Variants in SRP19 observed in about 807,000 individuals in gnomAD.
The protein encoded by SRP19 is signal recognition particle 19.
A neutral mutation model predicts 22.4 loss-of-function variants in SRP19; 11 were observed. The ratio of observed to expected loss-of-function variants is 0.49; its 90% CI spans 0.31 to 0.81. The LOEUF (loss-of-function observed/expected upper bound fraction) is 0.81, where lower values mean the gene tolerates loss of function less well. Ranked by LOEUF, SRP19 falls within the 40% of genes least tolerant of loss-of-function variation. The probability of loss-of-function intolerance (pLI) is 0.05; values close to 1 mark genes in which losing one functional copy is unlikely to be tolerated. For synonymous variants in SRP19, 61 were observed against 57.6 expected (o/e 1.06, Z -0.27); for missense variants, 168 against 175.9 (o/e 0.96, Z 0.25).
chr5:112,890,614 G>A (rs1411610880), intron 4 of SRP19, among the ~76,000 whole-genome samples: 3 of 150,362 alleles, frequency 2.0e-5, no homozygotes, highest in East Asian at 2.0e-4. Context: ...CTGACCTCAA[G>A]TGATCCACCC....
At chr5:112,897,508 G>A (rs1019311825), downstream of SRP19, 1 of 152,094 alleles carries the variant, frequency 6.6e-6, no homozygotes, top group Non-Finnish European at 1.5e-5. Flanking sequence ...ATAAAGGAAT[G>A]AGCATATGTA....
intron 4 of SRP19, among the ~76,000 whole-genome samples, chr5:112,888,181 C>T (rs1361622994): frequency 1.3e-5 from 2 of 150,212 alleles, no homozygotes; most frequent in African/African-American, 4.9e-5. Context: ...AAGTCTTAGT[C>T]CTTATGATTC....
intron 4 of SRP19, among the ~76,000 whole-genome samples, chr5:112,874,813 C>T (rs1048773238): frequency 6.8e-6 from 1 of 148,022 alleles, no homozygotes; most frequent in Non-Finnish European, 1.5e-5. Flanking sequence ...TTTCGCTCGT[C>T]TCCCAGGCTA....
In SRP19 at chr5:112,861,298, G is replaced by A; in HGVS notation, c.-79G>A. ...TCCGGCGGAAAAGCGGGCTGTCTCG[G>A]AAACTCAGAGCCGGGTTCCTCCCGG... On this transcript the variant is annotated 5_prime_UTR_variant, in exon 1 of 5. Transcript: ENST00000505459. 2 of 1,561,904 alleles carry A rather than the reference G, an allele frequency of 1.3e-6. No individual in the cohort carries two copies. The highest frequency in any genetic ancestry group is 3.3e-5 in the Admixed American group (2 of 59,958).
chr5:112,874,493 T>C (rs890588239), downstream of SRP19, among the ~76,000 whole-genome samples: 2 of 152,198 alleles, frequency 1.3e-5, no homozygotes, highest in African/African-American at 4.8e-5. Flanking sequence ...AGCACTTTGT[T>C]AGTGGAGGCA....
chr5:112,892,192 G>A, exon 5 of SRP19: 1 of 1,614,198 alleles, frequency 6.2e-7, no homozygotes, highest in South Asian at 1.1e-5. Flanking sequence ...TAAAACAGGA[G>A]CTTGCAGATT....
At chr5:112,883,951 C>T (rs1768152600) in intron 4 of SRP19, among the ~76,000 whole-genome samples, 1 of 152,168 alleles carries the variant, frequency 6.6e-6, no homozygotes, top group Non-Finnish European at 1.5e-5. Context: ...ATTACTTCTA[C>T]CTTTGAAATA....
At chr5:112,889,584 T>G (rs1389801819) in intron 4 of SRP19, among the ~76,000 whole-genome samples, 1 of 150,672 alleles carries the variant, frequency 6.6e-6, no homozygotes, top group African/African-American at 2.5e-5. Context: ...TATATTTATA[T>G]ATAGCTATAG....
chr5:112,894,818 T>G (rs1768628567), downstream of SRP19: 1 of 152,208 alleles, frequency 6.6e-6, no homozygotes, highest in African/African-American at 2.4e-5. Flanking sequence ...AAAATAAGCT[T>G]CTGCATAGAA....
At chr5:112,887,331 T>G (rs1003808318) in intron 4 of SRP19, 1 of 720,940 alleles carries the variant, frequency 1.4e-6, no homozygotes, top group African/African-American at 1.8e-5. Context: ...AGGTTAAAGG[T>G]GGGCTTTCTT....
At chr5:112,893,391 C>A (rs1768566448), downstream of SRP19, 1 of 187,154 alleles carries the variant, frequency 5.3e-6, no homozygotes, top group South Asian at 1.0e-4. Context: ...GCCTGGGTGA[C>A]AGAGCGAGAC....
intron 4 of SRP19, chr5:112,885,775 C>T (rs1768224547): frequency 3.9e-6 from 1 of 253,482 alleles, no homozygotes. Flanking sequence ...ATATGCCAAG[C>T]CCGTAGTCTG....
rs749844475 is a variant in SRP19 at position 112,861,366 on chromosome 5, C to G, written c.-11C>G. 2 of 1,614,188 alleles carry G rather than the reference C, an allele frequency of 1.2e-6. No individual in the cohort carries two copies. Among genetic ancestry groups the G allele is most frequent in the Non-Finnish European group, 8.5e-7 (1 of 1,180,038 alleles). ...CCCTGCGGCTCCTGGGTTGTTGAGA[C>G]TCTTGTGAAGATGGCTTGCGCTGCC... On this transcript the variant is annotated 5_prime_UTR_variant, in exon 1 of 5. Coordinates refer to ENST00000505459, the MANE Select transcript of SRP19 (RefSeq NM_003135.3).
chr5:112,897,473 T>A (rs1477749977), downstream of SRP19: 2 of 152,052 alleles, frequency 1.3e-5, no homozygotes, highest in African/African-American at 4.8e-5. Context: ...ATCTGGCACA[T>A]GGAGGTTCTA....
At chr5:112,879,089 C>T (rs1302400400) in intron 4 of SRP19, among the ~76,000 whole-genome samples, 1 of 152,100 alleles carries the variant, frequency 6.6e-6, no homozygotes, top group Non-Finnish European at 1.5e-5. Context: ...CTTGTTGTGA[C>T]AGTGTCACCG....
downstream of SRP19, chr5:112,897,656 C>T (rs1450472596): frequency 2.6e-5 from 4 of 152,230 alleles, no homozygotes; most frequent in Non-Finnish European, 5.9e-5. Context: ...CTCAACTAAG[C>T]TTTGATGCCA....
intron 1 of SRP19, 150 bp downstream of exon 1, chr5:112,861,567 C>A: frequency 1.3e-6 from 1 of 782,142 alleles, no homozygotes; most frequent in Non-Finnish European, 2.0e-6. Context: ...CCTGGCAGCT[C>A]GTTTTTCTGA....
exon 5 of SRP19, chr5:112,892,311 T>G: frequency 6.2e-7 from 1 of 1,614,120 alleles, no homozygotes; most frequent in Admixed American, 1.7e-5. Context: ...GGGATGACTA[T>G]GACCCTGACG....
Position 112,867,526 on chromosome 5 carries a change from A to G in SRP19, c.424A>G (p.Lys142Glu). The G allele has an allele frequency of 6.2e-7, 1 of 1,611,262 alleles. No homozygotes were observed. The highest frequency in any genetic ancestry group is 8.5e-7 in the Non-Finnish European group (1 of 1,179,146). ...GGGAAGTAAAAAAGGGAAAGGAAAG[A>G]AAAAGAAGTAACCTAGTATCAGCAT... The part of the protein sequence containing the change: ...GEGSKKGKGK[K>E]KK Residue 142 changes from lysine to glutamate, a missense_variant, in exon 5 of 5, where the codon AAA becomes GAA. Physicochemically the swap from Lys to Glu is moderately conservative, Grantham distance 56. Coordinates refer to ENST00000505459, the MANE Select transcript of SRP19 (RefSeq NM_003135.3).
Sources: allele counts gnomAD v4.1 joint callset (sites outside exome capture counted in the v4.1 genomes callset), GRCh38; gene constraint gnomAD v4.1.1; transcripts MANE v1.5; gene names NCBI Gene and HGNC (gene_info 2026-07-23, HGNC 2026-07-21).